Variants in BBOF1 observed in about 807,000 individuals in gnomAD.
The protein encoded by BBOF1 is basal body orientation factor 1.
Under a neutral mutation model 68.0 loss-of-function variants are expected in BBOF1, and 62 were observed. That is an observed-to-expected ratio of 0.91 (90% CI 0.74 to 1.13). The LOEUF is 1.13. Ranked by LOEUF, BBOF1 falls within the 50% of genes most tolerant of loss-of-function variation. BBOF1 has a pLI of 0.00. For synonymous variants in BBOF1, 208 were observed against 198.8 expected (o/e 1.05, Z -0.39); for missense variants, 534 against 600.1 (o/e 0.89, Z 1.15).
Position 74,023,056 on chromosome 14 carries a change from A to G in BBOF1, c.197A>G (p.Asp66Gly). The G allele has an allele frequency of 1.2e-6, 2 of 1,608,512 alleles. No homozygotes were observed. Among genetic ancestry groups the G allele is most frequent in the Non-Finnish European group, 1.7e-6 (2 of 1,177,294 alleles). ...CGGATACTGGCAAAAAGTAATGAGG[A>G]CTTAAAGAAAAAGCAATGTAAAATG... ...TSRILAKSNE[D>G]LKKKQCKMEK... Residue 66 changes from aspartate to glycine, a missense_variant, in exon 2 of 12, where the codon GAC (aspartate) becomes GGC (glycine). Coordinates refer to ENST00000394009, the MANE Select transcript of BBOF1 (RefSeq NM_025057.3).
intron 1 of BBOF1, among the ~76,000 whole-genome samples, chr14:74,022,210 TAA>T (rs553823979): frequency 6.7e-6 from 1 of 148,430 alleles, no homozygotes; most frequent in Non-Finnish European, 1.5e-5. Context: ...CCATCTCTAT[TAA>T]AAAAAAAATA....
chr14:74,059,151 A>AT (rs1313055585), intron 11 of BBOF1: 41 of 198,132 alleles, frequency 2.1e-4, no homozygotes, highest in South Asian at 5.2e-4. Flanking sequence ...CTGTCAAAGC[A>AT]TTTTTTTTTA....
In BBOF1 at chr14:74,040,655, A is replaced by G. The variant is rs2141034643; in HGVS notation, c.576+10A>G. The G allele has an allele frequency of 6.7e-7, 1 of 1,492,936 alleles. No individual in the cohort carries two copies. The highest frequency in any genetic ancestry group is 9.1e-7 in the Non-Finnish European group (1 of 1,097,714). The allele number at this position is 1,492,936 out of a possible 1,614,324, so 92.5% of individuals were successfully genotyped here. ...ATTTTTTGAAGAAAAGGTACAGATT[A>G]TTAGGGTTAATTTAAAATGTTTTGT... On this transcript the variant is annotated intron_variant, in intron 5 of 11. Transcript: ENST00000394009.
chr14:74,068,204 C>T (rs2060499158), downstream of BBOF1, among the ~76,000 whole-genome samples: 1 of 150,620 alleles, frequency 6.6e-6, no homozygotes, highest in African/African-American at 2.4e-5. Flanking sequence ...GGCCAAGAAA[C>T]CCTGTCTCTA....
intron 11 of BBOF1, chr14:74,057,785 T>A: frequency 9.2e-7 from 1 of 1,088,624 alleles, no homozygotes; most frequent in Non-Finnish European, 1.1e-6. Flanking sequence ...TTAGCCGCGA[T>A]CACATGAATA....
At chr14:74,060,934 T>C (rs1159594291) in intron 11 of BBOF1, among the ~76,000 whole-genome samples, 1 of 152,050 alleles carries the variant, frequency 6.6e-6, no homozygotes, top group African/African-American at 2.4e-5. Context: ...TGGCAGATAG[T>C]AAACAATCAA....
chr14:74,041,148 C>A (rs142362961), intron 5 of BBOF1, among the ~76,000 whole-genome samples: 118 of 152,200 alleles, frequency 7.8e-4, no homozygotes, highest in African/African-American at 2.7e-3. Flanking sequence ...TACAAAAATA[C>A]AAAAATCAGC....
At chr14:74,066,222 C>T (rs150129072), downstream of BBOF1, 1 of 188,650 alleles carries the variant, frequency 5.3e-6, no homozygotes, top group Non-Finnish European at 1.1e-5. Context: ...GATAAGATAG[C>T]GTTTGGCAAA....
intron 11 of BBOF1, among the ~76,000 whole-genome samples, chr14:74,064,375 A>G (rs530094219): frequency 6.6e-6 from 1 of 152,204 alleles, no homozygotes; most frequent in Non-Finnish European, 1.5e-5. Context: ...ATTTTTTGTA[A>G]ATGAATAACT....
intron 9 of BBOF1, among the ~76,000 whole-genome samples, chr14:74,074,273 G>A (rs1051222036): frequency 2.0e-5 from 3 of 150,042 alleles, no homozygotes; most frequent in South Asian, 2.1e-4. Context: ...CACTGCGCCC[G>A]GCCCCTTTCA....
intron 3 of BBOF1, among the ~76,000 whole-genome samples, chr14:74,033,779 T>G (rs552012198): frequency 6.6e-6 from 1 of 151,928 alleles, no homozygotes; most frequent in South Asian, 2.1e-4. Flanking sequence ...GGCAAGAGAA[T>G]GGCGTGAACC....
downstream of BBOF1, chr14:74,067,037 G>A (rs2060477906): frequency 1.3e-6 from 1 of 787,350 alleles, no homozygotes; most frequent in Non-Finnish European, 2.1e-6. Context: ...GCAACAAAGT[G>A]AGACTTCATA....
intron 8 of BBOF1, among the ~76,000 whole-genome samples, chr14:74,052,644 CAA>C (rs112439607): frequency 1.5e-5 from 2 of 133,120 alleles, no homozygotes; most frequent in East Asian, 2.3e-4. Flanking sequence ...GACTCCATCT[CAA>C]AAAAAAAAAA....
At chr14:74,019,680 C>A in intron 1 of BBOF1, 146 bp downstream of exon 1, 1 of 1,373,958 alleles carries the variant, frequency 7.3e-7, no homozygotes, top group Non-Finnish European at 9.8e-7. Context: ...GCTCCCATGT[C>A]CATAGTCTGG....
intron 3 of BBOF1, among the ~76,000 whole-genome samples, chr14:74,032,969 C>G (rs1429217481): frequency 6.6e-6 from 1 of 151,726 alleles, no homozygotes; most frequent in African/African-American, 2.4e-5. Context: ...TTCTCCTTCT[C>G]TTCCTCTCAG....
intron 4 of BBOF1, among the ~76,000 whole-genome samples, chr14:74,037,009 G>A (rs4903172): frequency 0.33 from 32,312 of 98,098 alleles, 4,353 homozygotes; most frequent in South Asian, 0.53. Context: ...GTTTTGCTCT[G>A]TTGCCCAGGC....
In BBOF1 at chr14:74,064,346, A is replaced by G. The variant is rs554362273; in HGVS notation, c.1579-342A>G. ...TAATAGTAATAATAATGTCTGCTAC[A>G]AAGAACGTGCTCAACAACATTTTTT... On this transcript the variant is annotated intron_variant, in intron 11 of 11. Transcript: ENST00000394009. Among the ~76,000 whole-genome samples the G allele has an allele frequency of 2.7e-4, 41 of 152,016 alleles. 1 individual carries two copies. The highest frequency in any genetic ancestry group is 4.6e-4 in the Non-Finnish European group (31 of 68,026).
chr14:74,049,728 A>G lies in BBOF1; in HGVS notation c.819A>G (p.Glu273=). The G allele has an allele frequency of 1.2e-6, 2 of 1,608,560 alleles. No individual in the cohort carries two copies. Among genetic ancestry groups the G allele is most frequent in the South Asian group, 2.2e-5 (2 of 90,522 alleles). Residue 273 remains glutamate, a synonymous_variant, in exon 8 of 12, where the codon GAA becomes GAG. Transcript: ENST00000394009. The part of the protein sequence containing the change: ...QKEINDLLVK[E]KIMQLVQQRS... ...AGATCAATGATCTGTTGGTTAAGGAAAAGATTATGCAACTTGTCCAGCAGA... is the reference window on the plus strand; with the variant it reads ...AGATCAATGATCTGTTGGTTAAGGAGAAGATTATGCAACTTGTCCAGCAGA...
intron 3 of BBOF1, among the ~76,000 whole-genome samples, chr14:74,029,668 G>A (rs1056379009): frequency 2.0e-5 from 3 of 148,384 alleles, no homozygotes; most frequent in African/African-American, 5.0e-5. Flanking sequence ...GGTGACAAGA[G>A]TGAAACTTCA....
Sources: allele counts gnomAD v4.1 joint callset (sites outside exome capture counted in the v4.1 genomes callset), GRCh38; gene constraint gnomAD v4.1.1; transcripts MANE v1.5; gene names NCBI Gene and HGNC (gene_info 2026-07-23, HGNC 2026-07-21).